MACROD2: variants seen among roughly 807,000 people sequenced by gnomAD.
The protein encoded by MACROD2 is mono-ADP ribosylhydrolase 2.
MACROD2 carries 36 observed loss-of-function variants against 70.4 expected under a neutral mutation model. The ratio of observed to expected loss-of-function variants is 0.51; its 90% CI spans 0.39 to 0.68. The LOEUF (loss-of-function observed/expected upper bound fraction) is 0.68, where lower values mean the gene tolerates loss of function less well. Among genes scored for constraint, MACROD2 ranks in the 30% least tolerant of loss-of-function variants. The pLI, the probability that MACROD2 is intolerant of heterozygous loss-of-function variation, is 0.00. For synonymous variants in MACROD2, 172 were observed against 178.8 expected, an observed-to-expected ratio of 0.96 and a Z score of 0.30; for missense variants, 496 against 538.4, an observed-to-expected ratio of 0.92 and a Z score of 0.78.
chr20:15,647,245 A>G (rs911813694), intron 8 of MACROD2, among the ~76,000 whole-genome samples: 2 of 152,226 alleles, frequency 1.3e-5, no homozygotes, highest in African/African-American at 2.4e-5. Context: ...AGCTAAGTAG[A>G]CACCAAAAGG....
intron 11 of MACROD2, 75 bp downstream of exon 11, chr20:15,933,413 T>C: frequency 1.4e-6 from 2 of 1,383,574 alleles, no homozygotes; most frequent in Non-Finnish European, 2.0e-6. Flanking sequence ...CTCAATGCTA[T>C]TGTCTGAAAA....
intron 2 of MACROD2, among the ~76,000 whole-genome samples, chr20:14,053,937 G>A (rs1290694589): frequency 6.6e-6 from 1 of 151,902 alleles, no homozygotes. Flanking sequence ...TGTTGAGCTT[G>A]GTGTTGGTAT....
chr20:14,327,580 AAGAC>A, intron 3 of MACROD2: 1 of 1,474,886 alleles, frequency 6.8e-7, no homozygotes, highest in South Asian at 1.4e-5. Context: ...TGAGTAAAAA[AAGAC>A]AGAAAACAAT....
At chr20:14,825,875 G>A (rs2072896486) in intron 5 of MACROD2, among the ~76,000 whole-genome samples, 1 of 152,144 alleles carries the variant, frequency 6.6e-6, no homozygotes, top group Admixed American at 6.5e-5. Flanking sequence ...GAATGGGGAT[G>A]CCTATGCACA....
chr20:15,686,704 C>T (rs1052332069), intron 8 of MACROD2, among the ~76,000 whole-genome samples: 3 of 151,992 alleles, frequency 2.0e-5, no homozygotes, highest in African/African-American at 7.2e-5. Context: ...AAAACCCCGT[C>T]TCTACTAAAA....
rs6079466 is a variant in MACROD2 at position 14,515,473 on chromosome 20, A to G, written c.301+21965A>G. 8.5e-3 allele frequency among the ~76,000 whole-genome samples: 572 copies of G among 67,540 alleles called. 1 individual carries two copies. Among genetic ancestry groups the G allele is most frequent in the South Asian group, 0.016 (29 of 1,840 alleles). 44.3% of individuals were successfully genotyped at this position (67,540 alleles called of 152,430 possible). On this transcript the variant is annotated intron_variant, in intron 4 of 17. Coordinates refer to ENST00000684519, the MANE Select transcript of MACROD2 (RefSeq NM_001351661.2). ...GTGAGATACACACACACGCACACAC[A>G]CACACACACACACACACACACACAC...
At chr20:14,092,104 G>A (rs140592062) in intron 3 of MACROD2, among the ~76,000 whole-genome samples, 2 of 152,108 alleles carry the variant, frequency 1.3e-5, no homozygotes, top group East Asian at 3.9e-4. Flanking sequence ...AGCATTTGGT[G>A]GTATAATTAT....
chr20:15,761,972 A>G (rs2051443207), intron 8 of MACROD2, among the ~76,000 whole-genome samples: 1 of 152,182 alleles, frequency 6.6e-6, no homozygotes, highest in African/African-American at 2.4e-5. Context: ...ATGATGCCCA[A>G]GGACATGCAG....
intron 5 of MACROD2, among the ~76,000 whole-genome samples, chr20:15,175,474 T>C (rs1329414526): frequency 6.6e-6 from 1 of 152,172 alleles, no homozygotes; most frequent in Non-Finnish European, 1.5e-5. Flanking sequence ...GGCAAACTTT[T>C]ACAATGAATA....
chr20:15,163,657 A>G (rs917864096), intron 5 of MACROD2, among the ~76,000 whole-genome samples: 5 of 151,982 alleles, frequency 3.3e-5, no homozygotes, highest in Admixed American at 6.6e-5. Context: ...AATCCAGCTC[A>G]TGTCCTGTTT....
At chr20:14,833,472 A>G (rs1231476800) in intron 5 of MACROD2, among the ~76,000 whole-genome samples, 2 of 152,128 alleles carry the variant, frequency 1.3e-5, no homozygotes, top group Admixed American at 6.5e-5. Flanking sequence ...GAGGCATTGA[A>G]AAAGTGACAG....
chr20:14,377,014 C>T (rs994583018), intron 3 of MACROD2, among the ~76,000 whole-genome samples: 3 of 152,070 alleles, frequency 2.0e-5, no homozygotes, highest in South Asian at 2.1e-4. Context: ...TAGGAGACAT[C>T]CAGTAAACAA....
chr20:15,857,770 A>G (rs529768265), intron 8 of MACROD2, among the ~76,000 whole-genome samples: 27 of 152,360 alleles, frequency 1.8e-4, no homozygotes, highest in African/African-American at 6.3e-4. Flanking sequence ...AAAAAACTAT[A>G]GAGATGAGAT....
At chr20:15,900,449 A>G (rs2065047364) in intron 10 of MACROD2, among the ~76,000 whole-genome samples, 1 of 152,154 alleles carries the variant, frequency 6.6e-6, no homozygotes, top group South Asian at 2.1e-4. Context: ...ATCCACCACC[A>G]CAAAGTAGTA....
At chr20:14,469,783 A>G (rs1157318539) in intron 3 of MACROD2, among the ~76,000 whole-genome samples, 1 of 151,856 alleles carries the variant, frequency 6.6e-6, no homozygotes, top group Non-Finnish European at 1.5e-5. Flanking sequence ...CCATCAGGTC[A>G]TCTATGTTCT....
chr20:15,367,321 C>T (rs113160823), intron 6 of MACROD2, among the ~76,000 whole-genome samples: 49 of 152,132 alleles, frequency 3.2e-4, no homozygotes, highest in African/African-American at 1.1e-3. Flanking sequence ...CCACCGTGCC[C>T]GGCCCCAAAA....
intron 5 of MACROD2, among the ~76,000 whole-genome samples, chr20:14,896,336 A>G (rs2073829225): frequency 6.6e-6 from 1 of 152,108 alleles, no homozygotes; most frequent in Non-Finnish European, 1.5e-5. Context: ...TGGAAATAAC[A>G]TATTTGCTAT....
In MACROD2 at chr20:14,115,029, G is replaced by A. The variant is rs560949290; in HGVS notation, c.271+29301G>A. 2.7e-4 allele frequency among the ~76,000 whole-genome samples: 41 copies of A among 152,116 alleles called. No homozygotes were observed. In the South Asian group the frequency reaches 8.5e-3, roughly 32 times the overall value. ...GTCCTTTCATTTTTACCTTTGAAGG[G>A]AAATGGTTACTGAGTCCAGTACTAG... On this transcript the variant is annotated intron_variant, in intron 3 of 17. Transcript: ENST00000684519.
intron 2 of MACROD2, among the ~76,000 whole-genome samples, chr20:14,084,792 A>G (rs1409116077): frequency 6.6e-6 from 1 of 151,716 alleles, no homozygotes; most frequent in Non-Finnish European, 1.5e-5. Flanking sequence ...CACAAATTCA[A>G]ATTTCCTATC....
Sources: gnomAD v4.1 joint callset for allele counts (sites outside exome capture counted in the v4.1 genomes callset) on GRCh38, gnomAD v4.1.1 for gene constraint, MANE v1.5 for transcripts, NCBI Gene and HGNC (gene_info 2026-07-23, HGNC 2026-07-21) for gene names.